The following STXBP5L variants were observed in gnomAD, a reference collection of about 807,000 sequenced individuals.
STXBP5L encodes syntaxin-binding protein 5-like.
In STXBP5L, 65 loss-of-function variants were observed where a neutral mutation model predicts 144.5. The observed-to-expected ratio is 0.45, with a 90% CI of 0.37 to 0.55. The LOEUF is 0.55. STXBP5L is among the 20% of genes least tolerant of loss of function. The pLI is 0.00. For missense variants in STXBP5L, 1,298 were observed against 1,405.5 expected, an observed-to-expected ratio of 0.92 and a Z score of 1.22; for synonymous variants, 505 against 469.6, an observed-to-expected ratio of 1.08 and a Z score of -0.97.
At chr3:121,095,106 A>T (rs998469987) in intron 5 of STXBP5L, among the ~76,000 whole-genome samples, 1 of 152,136 alleles carries the variant, frequency 6.6e-6, no homozygotes, top group Non-Finnish European at 1.5e-5. Flanking sequence ...AGAATGTTGA[A>T]TATTGGCCCC....
At chr3:121,360,452 G>A (rs947403297) in intron 20 of STXBP5L, among the ~76,000 whole-genome samples, 1 of 151,736 alleles carries the variant, frequency 6.6e-6, no homozygotes, top group Non-Finnish European at 1.5e-5. Context: ...TTTGTTTTCT[G>A]GTTGTTTTGT....
chr3:121,030,846 T>C (rs1013139508), intron 3 of STXBP5L, among the ~76,000 whole-genome samples: 1 of 152,154 alleles, frequency 6.6e-6, no homozygotes, highest in African/African-American at 2.4e-5. Context: ...TTTTTAAACC[T>C]GATCAATTAA....
chr3:121,267,630 A>C (rs528114252), intron 18 of STXBP5L, among the ~76,000 whole-genome samples: 3 of 152,226 alleles, frequency 2.0e-5, no homozygotes, highest in Non-Finnish European at 2.9e-5. Context: ...GGCAACCTAC[A>C]CACTGGGTGA....
At chr3:121,104,147 A>G (rs575083945) in intron 5 of STXBP5L, among the ~76,000 whole-genome samples, 2 of 152,320 alleles carry the variant, frequency 1.3e-5, no homozygotes, top group South Asian at 4.1e-4. Flanking sequence ...TTGACCATAT[A>G]TTTTTCTTGC....
chr3:121,046,004 T>C (rs1947493461), intron 5 of STXBP5L, among the ~76,000 whole-genome samples: 1 of 152,206 alleles, frequency 6.6e-6, no homozygotes, highest in African/African-American at 2.4e-5. Flanking sequence ...TGTGAGTTTG[T>C]CATAGATGGC....
chr3:121,380,101 A>G (rs983046416), intron 21 of STXBP5L, among the ~76,000 whole-genome samples: 6 of 152,146 alleles, frequency 3.9e-5, no homozygotes, highest in Non-Finnish European at 8.8e-5. Context: ...ATTAGCCACC[A>G]CAACCAGCCA....
At chr3:121,006,431 T>G (rs1447087794) in intron 3 of STXBP5L, among the ~76,000 whole-genome samples, 1 of 152,176 alleles carries the variant, frequency 6.6e-6, no homozygotes, top group Non-Finnish European at 1.5e-5. Context: ...CCCTTTATTT[T>G]GAGCCTATGT....
chr3:121,138,709 T>A (rs2045366165), intron 7 of STXBP5L, among the ~76,000 whole-genome samples: 1 of 152,008 alleles, frequency 6.6e-6, no homozygotes. Flanking sequence ...TATGCATATG[T>A]GGAAGAATGA....
intron 5 of STXBP5L, among the ~76,000 whole-genome samples, chr3:121,064,773 C>T (rs2041461740): frequency 6.6e-6 from 1 of 152,102 alleles, no homozygotes; most frequent in Non-Finnish European, 1.5e-5. Context: ...GATGCATGGG[C>T]ATGTTTAATG....
chr3:121,328,828 G>C (rs2044233930), intron 20 of STXBP5L, among the ~76,000 whole-genome samples: 1 of 152,040 alleles, frequency 6.6e-6, no homozygotes, highest in Non-Finnish European at 1.5e-5. Context: ...AAGAGTGTCT[G>C]TGTGGAGCTG....
chr3:121,110,008 T>G (rs969051422), intron 5 of STXBP5L, among the ~76,000 whole-genome samples: 12 of 152,250 alleles, frequency 7.9e-5, no homozygotes, highest in Non-Finnish European at 1.6e-4. Context: ...AAAGTCTGTC[T>G]TGTCAGAAAC....
chr3:121,379,151 G>C (rs890049704), intron 21 of STXBP5L, among the ~76,000 whole-genome samples: 6 of 151,994 alleles, frequency 3.9e-5, no homozygotes, highest in Non-Finnish European at 7.4e-5. Flanking sequence ...GCCTAAATCT[G>C]TTCCCTACCC....
chr3:121,203,340 G>T (rs2048211515), intron 9 of STXBP5L, among the ~76,000 whole-genome samples: 1 of 151,890 alleles, frequency 6.6e-6, no homozygotes, highest in Non-Finnish European at 1.5e-5. Flanking sequence ...AGTCAAATTG[G>T]CCTGTCAGTA....
At chr3:121,288,232 T>G (rs2051299536) in intron 19 of STXBP5L, among the ~76,000 whole-genome samples, 1 of 152,204 alleles carries the variant, frequency 6.6e-6, no homozygotes, top group Admixed American at 6.5e-5. Context: ...CTTAATCCAG[T>G]CTACTGTTGA....
intron 20 of STXBP5L, among the ~76,000 whole-genome samples, chr3:121,376,309 C>T (rs985748295): frequency 1.2e-4 from 18 of 152,100 alleles, no homozygotes; most frequent in African/African-American, 4.1e-4. Context: ...TTCTTATGTA[C>T]CCTTCTTAAC....
chr3:121,326,276 G>A (rs1003198286), intron 20 of STXBP5L, among the ~76,000 whole-genome samples: 3 of 151,920 alleles, frequency 2.0e-5, no homozygotes. Context: ...GAAAAAAGGG[G>A]AAAATTGCAA....
chr3:120,912,570 T>C (rs934787898), intron 2 of STXBP5L, among the ~76,000 whole-genome samples: 3 of 150,804 alleles, frequency 2.0e-5, no homozygotes, highest in Non-Finnish European at 4.4e-5. Flanking sequence ...AAAATATCTA[T>C]GAGATGTTCA....
chr3:121,195,982 A>G (rs1458016959), intron 9 of STXBP5L, among the ~76,000 whole-genome samples: 1 of 152,120 alleles, frequency 6.6e-6, no homozygotes, highest in South Asian at 2.1e-4. Flanking sequence ...AGAAAGTGGG[A>G]TGCCTCCAGC....
At chr3:121,022,643 G>C (rs972224822) in intron 3 of STXBP5L, among the ~76,000 whole-genome samples, 4 of 151,898 alleles carry the variant, frequency 2.6e-5, no homozygotes, top group African/African-American at 9.7e-5. Flanking sequence ...ACATAAATAG[G>C]ATTAAAAACC....
Sources: gnomAD v4.1 joint callset for allele counts (sites outside exome capture counted in the v4.1 genomes callset) on GRCh38, gnomAD v4.1.1 for gene constraint, MANE v1.5 for transcripts, NCBI Gene and HGNC (gene_info 2026-07-23, HGNC 2026-07-21) for gene names.